GIPC2: variants seen among roughly 807,000 people sequenced by gnomAD.
GIPC2 encodes the protein PDZ domain-containing protein GIPC2.
A neutral mutation model predicts 30.6 loss-of-function variants in GIPC2; 30 were observed. The ratio of observed to expected loss-of-function variants is 0.98; its 90% CI spans 0.73 to 1.33. The LOEUF (loss-of-function observed/expected upper bound fraction) is 1.33. GIPC2 is among the 40% of genes most tolerant of loss of function. The probability of loss-of-function intolerance (pLI) is 0.00; values close to 1 mark genes in which losing one functional copy is unlikely to be tolerated. For missense variants in GIPC2, 414 were observed against 390.3 expected (o/e 1.06, Z -0.51); for synonymous variants, 167 against 150.0 (o/e 1.11, Z -0.83).
intron 4 of GIPC2, among the ~76,000 whole-genome samples, chr1:78,122,987 C>G (rs569537428): frequency 6.6e-6 from 1 of 152,148 alleles, no homozygotes; most frequent in East Asian, 1.9e-4. Flanking sequence ...AGGCTGGGTG[C>G]AGTAGCTCAC....
chr1:78,111,798 T>A (rs1366110585), intron 3 of GIPC2, among the ~76,000 whole-genome samples: 1 of 152,242 alleles, frequency 6.6e-6, no homozygotes, highest in Non-Finnish European at 1.5e-5. Flanking sequence ...AAATATTTTG[T>A]AAATAAGAAC....
rs114660135 is a variant in GIPC2, at chr1:78,059,938, T to A, written c.240+13604T>A. Among the ~76,000 whole-genome samples, 125 of 152,274 alleles carry A rather than the reference T, an allele frequency of 8.2e-4. 1 individual carries two copies. The highest frequency in any genetic ancestry group is 3.4e-3 in the Middle Eastern group (1 of 294). ...GTATTTTTGAACTTAATGAGGACTT[T>A]TGGAAAATAGAATTCTATGAATATA... On this transcript the variant is annotated intron_variant, in intron 1 of 5. Transcript: ENST00000370759.
At chr1:78,045,364 C>T (rs560300658), upstream of GIPC2, among the ~76,000 whole-genome samples, 1 of 152,314 alleles carries the variant, frequency 6.6e-6, no homozygotes, top group South Asian at 2.1e-4. Context: ...TCACACTTCA[C>T]ACCGAATGGC....
intron 1 of GIPC2, among the ~76,000 whole-genome samples, chr1:78,080,430 A>C (rs1351075315): frequency 2.0e-5 from 3 of 152,148 alleles, no homozygotes; most frequent in African/African-American, 7.2e-5. Context: ...ATGAAGTGAG[A>C]TAATGGGATG....
intron 1 of GIPC2, among the ~76,000 whole-genome samples, chr1:78,070,981 A>G (rs1349049421): frequency 6.6e-6 from 1 of 152,164 alleles, no homozygotes; most frequent in Non-Finnish European, 1.5e-5. Flanking sequence ...GCTTTATACA[A>G]TATACTCATG....
chr1:78,106,594 A>T (rs529948459), intron 3 of GIPC2, among the ~76,000 whole-genome samples: 1 of 152,272 alleles, frequency 6.6e-6, no homozygotes, highest in South Asian at 2.1e-4. Flanking sequence ...ACAAAAACAG[A>T]TTACAACACA....
chr1:78,046,782 G>A (rs1661100536), intron 1 of GIPC2, among the ~76,000 whole-genome samples: 1 of 151,590 alleles, frequency 6.6e-6, no homozygotes, highest in African/African-American at 2.4e-5. Context: ...AGATTAACGG[G>A]GGAAAAAAAA....
chr1:78,045,931 A>AG (rs1165530866), upstream of GIPC2: 1 of 1,352,758 alleles, frequency 7.4e-7, no homozygotes, highest in Non-Finnish European at 9.4e-7. Context: ...GCTCCGGTCC[A>AG]GGGGTGGAGG....
At chr1:78,102,644 G>T (rs543376193) in intron 3 of GIPC2, among the ~76,000 whole-genome samples, 1 of 152,306 alleles carries the variant, frequency 6.6e-6, no homozygotes, top group African/African-American at 2.4e-5. Context: ...TAACCTTTCT[G>T]TGCCTTGGTC....
At chr1:78,109,258 C>G (rs956411345) in intron 3 of GIPC2, among the ~76,000 whole-genome samples, 17 of 152,346 alleles carry the variant, frequency 1.1e-4, no homozygotes, top group African/African-American at 3.6e-4. Flanking sequence ...CTGAAACAAT[C>G]ACTGTGATGA....
Position 78,119,481 on chromosome 1 carries a change from T to C in GIPC2, c.696T>C (p.Pro232=). The change falls in exon 4 of 6, where the codon CCT becomes CCC. Residue 232 remains proline, a synonymous_variant. Coordinates refer to ENST00000370759, the MANE Select transcript of GIPC2 (RefSeq NM_017655.6). ...RATLRLRSKG[P]ATVEEMPSET... ...CACTTCGCCTGAGATCAAAAGGTCC[T>C]GCCACCGTGGAAGAAATGGTATGTT... 6.2e-7 allele frequency: 1 copy of C among 1,605,988 alleles called. No homozygotes were observed. Among genetic ancestry groups the C allele is most frequent in the Non-Finnish European group, 8.5e-7 (1 of 1,172,674 alleles).
intron 3 of GIPC2, among the ~76,000 whole-genome samples, chr1:78,116,849 A>G (rs1193487698): frequency 1.3e-5 from 2 of 152,224 alleles, no homozygotes; most frequent in Non-Finnish European, 2.9e-5. Flanking sequence ...AGCATGATTT[A>G]TAATCCTTTG....
At position 78,070,176 on chromosome 1, in the gene GIPC2, A is replaced by G. The variant is rs557783244; in HGVS notation, c.241-10499A>G. Reference sequence around the variant, plus strand: ...GTCTAATGGCAATCTTTTACAAGTTATATTTGTATATTTGGTAATTTGGAA... The same window carrying G: ...GTCTAATGGCAATCTTTTACAAGTTGTATTTGTATATTTGGTAATTTGGAA... On this transcript the variant is annotated intron_variant, in intron 1 of 5. Transcript: ENST00000370759. 2.0e-5 allele frequency among the ~76,000 whole-genome samples: 3 copies of G among 152,354 alleles called. No homozygotes were observed. In the East Asian group the frequency reaches 5.8e-4, roughly 29 times the overall value.
upstream of GIPC2, chr1:78,045,861 A>T (rs1661056416): frequency 2.3e-6 from 3 of 1,313,700 alleles, no homozygotes; most frequent in Admixed American, 8.3e-5. Context: ...AGGATGAGGG[A>T]CTACGTAACT....
At chr1:78,104,385 C>T (rs1057426748) in intron 3 of GIPC2, among the ~76,000 whole-genome samples, 1 of 151,992 alleles carries the variant, frequency 6.6e-6, no homozygotes, top group African/African-American at 2.4e-5. Flanking sequence ...GTGGGGAACC[C>T]AGGCTTGTTT....
intron 1 of GIPC2, among the ~76,000 whole-genome samples, chr1:78,064,141 A>G (rs867744997): frequency 1.2e-4 from 19 of 152,242 alleles, no homozygotes; most frequent in Middle Eastern, 3.2e-3. Context: ...GCACTGCATA[A>G]AAAAGTACAG....
intron 1 of GIPC2, among the ~76,000 whole-genome samples, chr1:78,048,736 C>T (rs1416812222): frequency 6.6e-6 from 1 of 151,836 alleles, no homozygotes; most frequent in Non-Finnish European, 1.5e-5. Flanking sequence ...TTTTTTCCTC[C>T]CATGAAGCTA....
intron 1 of GIPC2, among the ~76,000 whole-genome samples, chr1:78,062,776 A>T (rs904993658): frequency 1.3e-5 from 2 of 151,916 alleles, no homozygotes; most frequent in South Asian, 2.1e-4. Flanking sequence ...AAGTGCTGGG[A>T]TTACATTCAT....
chr1:78,046,558 A>C (rs2102630385), intron 1 of GIPC2, among the ~76,000 whole-genome samples: 1 of 152,278 alleles, frequency 6.6e-6, no homozygotes, highest in African/African-American at 2.4e-5. Flanking sequence ...CCTTGCTCCG[A>C]GATCTGGCCT....
Sources: allele counts gnomAD v4.1 joint callset (sites outside exome capture counted in the v4.1 genomes callset), GRCh38; gene constraint gnomAD v4.1.1; transcripts MANE v1.5; gene names NCBI Gene and HGNC (gene_info 2026-07-23, HGNC 2026-07-21).